The following XCR1 variants were observed in gnomAD, a reference collection of about 807,000 sequenced individuals.
The protein encoded by XCR1 is X-C motif chemokine receptor 1.
For missense variants in XCR1, 356 were observed against 424.2 expected (o/e 0.84, Z 1.41); for synonymous variants, 187 against 188.5 (o/e 0.99, Z 0.06).
chr3:46,031,605 G>A (rs1288805252), upstream of XCR1, among the ~76,000 whole-genome samples: 1 of 152,222 alleles, frequency 6.6e-6, no homozygotes, highest in Non-Finnish European at 1.5e-5. Context: ...TGGTGAACAA[G>A]CTCCTGGGCA....
intron 4 of XCR1, among the ~76,000 whole-genome samples, chr3:46,060,388 T>C (rs1325119360): frequency 6.6e-6 from 1 of 152,160 alleles, no homozygotes; most frequent in African/African-American, 2.4e-5. Flanking sequence ...CCCTAAGGAA[T>C]CTCTTGTATT....
chr3:46,077,830 G>T (rs565153643), intron 1 of XCR1, among the ~76,000 whole-genome samples: 1 of 152,222 alleles, frequency 6.6e-6, no homozygotes, highest in Non-Finnish European at 1.5e-5. Context: ...CACAGGAACA[G>T]AATACCAAAT....
chr3:46,075,058 A>C (rs907351258), intron 2 of XCR1, among the ~76,000 whole-genome samples: 1 of 152,228 alleles, frequency 6.6e-6, no homozygotes, highest in Non-Finnish European at 1.5e-5. Flanking sequence ...AAGAATAATT[A>C]GCACTTTGAA....
chr3:46,022,361 A>G (rs886516463), intron 1 of XCR1: 5 of 163,382 alleles, frequency 3.1e-5, no homozygotes, highest in African/African-American at 9.6e-5. Flanking sequence ...TCTCTCCTGG[A>G]TCAGAGAAAA....
intron 5 of XCR1, among the ~76,000 whole-genome samples, chr3:46,041,280 G>A (rs1254581633): frequency 6.6e-6 from 1 of 152,156 alleles, no homozygotes; most frequent in Non-Finnish European, 1.5e-5. Context: ...ATGGCCTTGC[G>A]AGAGGTTCCA....
intron 5 of XCR1, among the ~76,000 whole-genome samples, chr3:46,039,673 C>T (rs1410583276): frequency 6.6e-6 from 1 of 152,112 alleles, no homozygotes; most frequent in Non-Finnish European, 1.5e-5. Context: ...GAGAAGGTGA[C>T]AATCAAAATG....
intron 2 of XCR1, among the ~76,000 whole-genome samples, chr3:46,075,265 T>C (rs1698237146): frequency 7.1e-6 from 1 of 141,448 alleles, no homozygotes. Flanking sequence ...GGAAGGATAG[T>C]CTTTTCAACA....
rs912851485 is a variant in XCR1, at chr3:46,019,125, T to C, written c.*1821A>G. On this transcript the variant is annotated 3_prime_UTR_variant, in exon 2 of 2. Coordinates refer to ENST00000309285, the MANE Select transcript of XCR1 (RefSeq NM_001024644.2). ...TAGAAGGCAAGGTGAAGCATAGCCA[T>C]CGCCACAGAGAGAGATAAGCAATCT... 1 of 152,062 alleles carries C rather than the reference T, an allele frequency of 6.6e-6. No individual in the cohort carries two copies. Among genetic ancestry groups the C allele is most frequent in the African/African-American group, 2.4e-5 (1 of 41,400 alleles). The allele number at this position is 152,062 out of a possible 1,614,324, so 9.4% of individuals were successfully genotyped here. A position where few individuals can be genotyped will look rare whatever the true frequency, so the allele number is the denominator to read the frequency against.
intron 1 of XCR1, among the ~76,000 whole-genome samples, chr3:46,080,549 G>A (rs1698340438): frequency 6.6e-6 from 1 of 152,124 alleles, no homozygotes; most frequent in Admixed American, 6.5e-5. Flanking sequence ...GTGACAAAGC[G>A]AGACCCTGTC....
At chr3:46,062,051 A>G (rs982682153) in intron 4 of XCR1, among the ~76,000 whole-genome samples, 4 of 152,196 alleles carry the variant, frequency 2.6e-5, no homozygotes, top group South Asian at 2.1e-4. Context: ...CCAGACTCCA[A>G]TTTGGACAGT....
chr3:46,028,598 CTT>C (rs1017522467), upstream of XCR1, among the ~76,000 whole-genome samples: 4 of 143,560 alleles, frequency 2.8e-5, no homozygotes, highest in Admixed American at 7.0e-5. Flanking sequence ...CTTTTCTTTC[CTT>C]TTTTTTTTTG....
At chr3:46,060,375 G>C (rs1224849133) in intron 4 of XCR1, among the ~76,000 whole-genome samples, 1 of 152,114 alleles carries the variant, frequency 6.6e-6, no homozygotes, top group Non-Finnish European at 1.5e-5. Context: ...GTACTAATAG[G>C]TGCCCTAAGG....
At chr3:46,062,444 G>T (rs1697981014) in intron 4 of XCR1, among the ~76,000 whole-genome samples, 3 of 152,210 alleles carry the variant, frequency 2.0e-5, no homozygotes, top group African/African-American at 7.2e-5. Flanking sequence ...TTTGCCCTGG[G>T]TCTCCCCATT....
chr3:46,045,784 C>T (rs1049140085), intron 5 of XCR1, among the ~76,000 whole-genome samples: 7 of 152,220 alleles, frequency 4.6e-5, no homozygotes, highest in African/African-American at 1.4e-4. Flanking sequence ...TAAATTAGTA[C>T]AACCTCTATA....
At chr3:46,035,724 C>A (rs563827420) in intron 5 of XCR1, among the ~76,000 whole-genome samples, 51 of 152,330 alleles carry the variant, frequency 3.3e-4, no homozygotes, top group African/African-American at 1.2e-3. Flanking sequence ...GCAGGAGATG[C>A]TCCTCTCAAT....
chr3:46,039,575 G>T (rs1367237793), intron 5 of XCR1, among the ~76,000 whole-genome samples: 1 of 152,154 alleles, frequency 6.6e-6, no homozygotes, highest in Non-Finnish European at 1.5e-5. Flanking sequence ...TTAAGTTACA[G>T]GCCTTTGACT....
At chr3:46,050,317 C>T (rs1173311945) in intron 5 of XCR1, among the ~76,000 whole-genome samples, 2 of 152,168 alleles carry the variant, frequency 1.3e-5, no homozygotes, top group African/African-American at 2.4e-5. Context: ...TACTTAACAT[C>T]GGTCGTAGCC....
rs34278810 is a variant in XCR1, at chr3:46,082,408, TACAC to T, written c.-515+3382_-515+3385del. The stretch of plus-strand genomic sequence containing the variant: ...ATTTATATGTGCATATATACATGCA[TACAC>T]ACACACACACACACACATATATTCT... On this transcript the variant is annotated intron_variant, in intron 1 of 5. Transcript: ENST00000683768. Among the ~76,000 whole-genome samples, 372 of 146,180 alleles carry T rather than the reference TACAC, an allele frequency of 2.5e-3. 5 individuals carry two copies. Among genetic ancestry groups the T allele is most frequent in the Admixed American group, 0.015 (219 of 14,526 alleles).
intron 3 of XCR1, among the ~76,000 whole-genome samples, chr3:46,072,417 G>A (rs1224270137): frequency 1.3e-5 from 2 of 152,174 alleles, no homozygotes; most frequent in Non-Finnish European, 2.9e-5. Context: ...TTACTTGGGA[G>A]GCTGAGGTGG....
Sources: gnomAD v4.1 joint callset for allele counts (sites outside exome capture counted in the v4.1 genomes callset) on GRCh38, gnomAD v4.1.1 for gene constraint, MANE v1.5 for transcripts, NCBI Gene and HGNC (gene_info 2026-07-23, HGNC 2026-07-21) for gene names.